The following WWOX variants were observed in gnomAD, a reference collection of about 807,000 sequenced individuals.
WWOX encodes the protein WW domain containing oxidoreductase, also known as WW domain-containing oxidoreductase.
In WWOX, 69 loss-of-function variants were observed where a neutral mutation model predicts 46.2. That is an observed-to-expected ratio of 1.49 (90% CI 1.23 to 1.82). The LOEUF is 1.82. Ranked by LOEUF, WWOX falls within the 40% of genes most tolerant of loss-of-function variation. WWOX has a pLI of 0.00. For synonymous variants in WWOX, 359 were observed against 202.6 expected (o/e 1.77, Z -6.56); for missense variants, 919 against 542.6 (o/e 1.69, Z -6.89).
chr16:78,717,904 G>A (rs74029933), intron 8 of WWOX, among the ~76,000 whole-genome samples: 8 of 152,082 alleles, frequency 5.3e-5, no homozygotes, highest in East Asian at 1.9e-4. Context: ...ACCTATTCAC[G>A]ACATAGTGGA....
intron 8 of WWOX, among the ~76,000 whole-genome samples, chr16:78,494,392 G>GC (rs1156404856): frequency 2.0e-5 from 3 of 152,152 alleles, no homozygotes; most frequent in Non-Finnish European, 2.9e-5. Context: ...AAAAAAGTTG[G>GC]CAACCAGAGG....
At chr16:78,100,874 A>G (rs369087811) in intron 1 of WWOX, among the ~76,000 whole-genome samples, 2 of 152,272 alleles carry the variant, frequency 1.3e-5, no homozygotes, top group African/African-American at 2.4e-5. Context: ...TTGGGTCTCC[A>G]TAGAGAACCT....
At chr16:78,600,945 A>G (rs1266468737) in intron 8 of WWOX, among the ~76,000 whole-genome samples, 2 of 152,166 alleles carry the variant, frequency 1.3e-5, no homozygotes, top group Non-Finnish European at 2.9e-5. Context: ...CTTTGGAGGT[A>G]CCTGGGCAAG....
intron 8 of WWOX, among the ~76,000 whole-genome samples, chr16:78,951,852 C>G (rs1374720748): frequency 1.3e-5 from 2 of 152,210 alleles, no homozygotes; most frequent in South Asian, 2.1e-4. Context: ...ACCAGCATGC[C>G]AAAGGCAGAT....
intron 6 of WWOX, among the ~76,000 whole-genome samples, chr16:78,390,992 C>G (rs1055480678): frequency 1.3e-5 from 2 of 152,178 alleles, no homozygotes; most frequent in Non-Finnish European, 2.9e-5. Context: ...TTGGTCCATG[C>G]TCCATCTCAA....
chr16:78,591,217 C>G (rs1379624230), intron 8 of WWOX, among the ~76,000 whole-genome samples: 2 of 152,170 alleles, frequency 1.3e-5, no homozygotes, highest in African/African-American at 2.4e-5. Flanking sequence ...TGCTAGAGAA[C>G]AAAGCACCTT....
At chr16:78,707,786 G>A (rs922783698) in intron 8 of WWOX, among the ~76,000 whole-genome samples, 4 of 151,776 alleles carry the variant, frequency 2.6e-5, no homozygotes, top group Admixed American at 6.6e-5. Context: ...GGGAGGCTGA[G>A]GCAGGAGAAC....
intron 5 of WWOX, among the ~76,000 whole-genome samples, chr16:78,207,194 C>T (rs141656444): frequency 1.3e-5 from 2 of 152,356 alleles, no homozygotes; most frequent in East Asian, 3.9e-4. Context: ...TAGTTACCCA[C>T]ATGGACCTAC....
At chr16:79,058,005 A>T (rs2048294129) in intron 8 of WWOX, among the ~76,000 whole-genome samples, 1 of 152,010 alleles carries the variant, frequency 6.6e-6, no homozygotes, top group Non-Finnish European at 1.5e-5. Context: ...TGCTATTCTC[A>T]TAGTGATTGC....
At chr16:78,960,961 A>G (rs994821760) in intron 8 of WWOX, among the ~76,000 whole-genome samples, 4 of 152,218 alleles carry the variant, frequency 2.6e-5, no homozygotes, top group African/African-American at 9.6e-5. Context: ...TTCTGGAAAG[A>G]GAAGAATCTA....
chr16:78,533,265 G>A (rs558953129), intron 8 of WWOX, among the ~76,000 whole-genome samples: 5 of 152,156 alleles, frequency 3.3e-5, no homozygotes, highest in South Asian at 2.1e-4. Flanking sequence ...ACTTTTGGCC[G>A]GGCATGGTGG....
At chr16:78,364,071 T>C (rs1419915367) in intron 5 of WWOX, among the ~76,000 whole-genome samples, 1 of 152,210 alleles carries the variant, frequency 6.6e-6, no homozygotes, top group Non-Finnish European at 1.5e-5. Flanking sequence ...GTTTTCAAGG[T>C]TGAAGGTTCC....
chr16:78,624,266 C>T (rs1046913043), intron 8 of WWOX, among the ~76,000 whole-genome samples: 1 of 150,612 alleles, frequency 6.6e-6, no homozygotes, highest in African/African-American at 2.4e-5. Flanking sequence ...GGTGCCCCAG[C>T]ATTATGTGGT....
At chr16:79,045,527 T>G (rs1460288083) in intron 8 of WWOX, among the ~76,000 whole-genome samples, 3 of 152,144 alleles carry the variant, frequency 2.0e-5, no homozygotes, top group Non-Finnish European at 4.4e-5. Context: ...ATGAGAAATT[T>G]CTCCATTCCT....
chr16:78,850,270 G>A (rs893538685), intron 8 of WWOX, among the ~76,000 whole-genome samples: 1 of 152,038 alleles, frequency 6.6e-6, no homozygotes, highest in African/African-American at 2.4e-5. Flanking sequence ...TCAGTATTTG[G>A]TTAACCCATT....
intron 8 of WWOX, among the ~76,000 whole-genome samples, chr16:78,941,025 G>C (rs965729958): frequency 1.3e-5 from 2 of 151,476 alleles, no homozygotes; most frequent in East Asian, 3.9e-4. Flanking sequence ...CTTTTCCCTT[G>C]TTATGACCAG....
At position 78,935,476 on chromosome 16, in the gene WWOX, A is replaced by T. The variant is rs554238366; in HGVS notation, c.1057-276132A>T. Among the ~76,000 whole-genome samples the T allele has an allele frequency of 2.8e-4, 43 of 152,196 alleles. 1 individual carries two copies. The South Asian group carries it at 8.9e-3, about 32-fold the overall frequency. ...TGTAGGGACATGGATGAAGCTGGAA[A>T]CCATCATTCTCAGCAAACTATCACA... On this transcript the variant is annotated intron_variant, in intron 8 of 8. Coordinates refer to ENST00000566780, the MANE Select transcript of WWOX (RefSeq NM_016373.4).
rs33977792 is a variant in WWOX at position 78,617,402 on chromosome 16, CAA to C, written c.1056+184667_1056+184668del. Among the ~76,000 whole-genome samples, 447 of 134,264 alleles carry C rather than the reference CAA, an allele frequency of 3.3e-3. 1 individual carries two copies. The highest frequency in any genetic ancestry group is 0.032 in the East Asian group (146 of 4,534). 88.1% of individuals were successfully genotyped at this position (134,264 alleles called of 152,430 possible). A position where few individuals can be genotyped will look rare whatever the true frequency, so the allele number is the denominator to read the frequency against. On this transcript the variant is annotated intron_variant, in intron 8 of 8. Coordinates refer to ENST00000566780, the MANE Select transcript of WWOX (RefSeq NM_016373.4). ...GGGCCACACAGAGAAACCTTGTATC[CAA>C]AAAAAAAAAAAAAAAAGTGACCACA...
At chr16:78,635,309 C>G (rs1203167948) in intron 8 of WWOX, among the ~76,000 whole-genome samples, 1 of 152,090 alleles carries the variant, frequency 6.6e-6, no homozygotes, top group African/African-American at 2.4e-5. Flanking sequence ...ATCCATCGCC[C>G]AAAAAGCCTG....
Sources: allele counts gnomAD v4.1 joint callset (sites outside exome capture counted in the v4.1 genomes callset), GRCh38; gene constraint gnomAD v4.1.1; transcripts MANE v1.5; gene names NCBI Gene and HGNC (gene_info 2026-07-23, HGNC 2026-07-21).